The following PALLD variants were observed in gnomAD, a reference collection of about 807,000 sequenced individuals.
The protein encoded by PALLD is palladin.
In PALLD, 61 loss-of-function variants were observed where a neutral mutation model predicts 123.5. That is an observed-to-expected ratio of 0.49 (90% CI 0.40 to 0.61). The LOEUF (loss-of-function observed/expected upper bound fraction) is 0.61. PALLD is among the 20% of genes least tolerant of loss of function. The probability of loss-of-function intolerance (pLI) is 0.00; values close to 1 mark genes in which losing one functional copy is unlikely to be tolerated. For synonymous variants in PALLD, 465 were observed against 496.4 expected, an observed-to-expected ratio of 0.94 and a Z score of 0.84; for missense variants, 1,273 against 1,377.0, an observed-to-expected ratio of 0.92 and a Z score of 1.20.
At chr4:168,747,503 A>G (rs1323467152) in intron 10 of PALLD, among the ~76,000 whole-genome samples, 1 of 152,252 alleles carries the variant, frequency 6.6e-6, no homozygotes, top group Non-Finnish European at 1.5e-5. Flanking sequence ...AACTTCAGAC[A>G]CATGCTATGA....
chr4:168,777,279 A>T (rs1167193876), intron 10 of PALLD, among the ~76,000 whole-genome samples: 1 of 152,152 alleles, frequency 6.6e-6, no homozygotes, highest in Non-Finnish European at 1.5e-5. Context: ...TACGGAGGAG[A>T]AGCAGTAAGC....
At chr4:168,523,720 A>G (rs1007483074) in intron 2 of PALLD, among the ~76,000 whole-genome samples, 12 of 152,128 alleles carry the variant, frequency 7.9e-5, no homozygotes, top group Non-Finnish European at 1.8e-4. Flanking sequence ...GAAAGTTAAC[A>G]CCAGAAGCAC....
chr4:168,688,955 C>T (rs1371768652), intron 6 of PALLD, among the ~76,000 whole-genome samples: 1 of 152,144 alleles, frequency 6.6e-6, no homozygotes, highest in East Asian at 1.9e-4. Flanking sequence ...GTGACACTTA[C>T]CCTGTTTTGA....
At chr4:168,731,752 C>T (rs1488324588) in intron 10 of PALLD, among the ~76,000 whole-genome samples, 1 of 152,056 alleles carries the variant, frequency 6.6e-6, no homozygotes, top group Non-Finnish European at 1.5e-5. Context: ...AATCACTGAC[C>T]AATTAGAAGT....
chr4:168,669,220 A>G (rs2710844), intron 3 of PALLD, among the ~76,000 whole-genome samples: 47,224 of 152,102 alleles, frequency 0.31, 7,644 homozygotes, highest in Non-Finnish European at 0.35. Context: ...GAAGAAGGCA[A>G]GATGTGAGCC....
chr4:168,922,837 C>T (rs1403627785), intron 18 of PALLD, among the ~76,000 whole-genome samples: 7 of 152,142 alleles, frequency 4.6e-5, no homozygotes, highest in South Asian at 2.1e-4. Context: ...TACCTCAGTG[C>T]GCATCAGCTG....
chr4:168,795,336 T>C (rs1738334593), intron 10 of PALLD, among the ~76,000 whole-genome samples: 1 of 152,150 alleles, frequency 6.6e-6, no homozygotes, highest in Non-Finnish European at 1.5e-5. Context: ...AATTTGAAAA[T>C]GAAATCGAAG....
intron 10 of PALLD, among the ~76,000 whole-genome samples, chr4:168,793,160 T>C (rs1293975037): frequency 1.4e-5 from 2 of 139,742 alleles, no homozygotes; most frequent in African/African-American, 5.4e-5. Context: ...TGCATATATA[T>C]ACATATATAT....
chr4:168,726,620 C>T lies in PALLD; in HGVS notation c.1964+14697C>T, dbSNP rs985893003. 1.4e-4 allele frequency among the ~76,000 whole-genome samples: 21 copies of T among 151,954 alleles called. 1 individual carries two copies. The highest frequency in any genetic ancestry group is 3.4e-4 in the African/African-American group (14 of 41,366). ...CTGGTTTCAAACTCCTGGCTTCAAG[C>T]GATCCTCTAGCCTTAGCCTTCCAAA... On this transcript the variant is annotated intron_variant, in intron 10 of 21. Coordinates refer to ENST00000505667, the MANE Select transcript of PALLD (RefSeq NM_001166108.2).
At chr4:168,561,386 C>A (rs1767851525) in intron 2 of PALLD, among the ~76,000 whole-genome samples, 1 of 152,138 alleles carries the variant, frequency 6.6e-6, no homozygotes, top group African/African-American at 2.4e-5. Flanking sequence ...CTCAGCCTCC[C>A]AAGTAGCTGG....
chr4:168,573,393 A>G (rs1769196576), intron 2 of PALLD, among the ~76,000 whole-genome samples: 1 of 151,662 alleles, frequency 6.6e-6, no homozygotes, highest in Non-Finnish European at 1.5e-5. Context: ...CTCTCCTTTC[A>G]CTAGGTCTTT....
intron 2 of PALLD, among the ~76,000 whole-genome samples, chr4:168,627,101 C>G (rs1219833677): frequency 6.6e-6 from 1 of 152,138 alleles, no homozygotes; most frequent in Non-Finnish European, 1.5e-5. Context: ...TGTTTTTTAA[C>G]AACAACTAAC....
chr4:168,524,339 C>T (rs1763847569), intron 2 of PALLD, among the ~76,000 whole-genome samples: 1 of 152,108 alleles, frequency 6.6e-6, no homozygotes, highest in Admixed American at 6.6e-5. Flanking sequence ...TTTGTTTTCT[C>T]CATTTTAAAA....
intron 10 of PALLD, among the ~76,000 whole-genome samples, chr4:168,773,307 A>G (rs1269479774): frequency 6.6e-6 from 1 of 152,112 alleles, no homozygotes; most frequent in African/African-American, 2.4e-5. Flanking sequence ...ATGGAAACAC[A>G]CTCTGAACAG....
intron 10 of PALLD, among the ~76,000 whole-genome samples, chr4:168,859,846 AAG>A (rs1749176455): frequency 1.3e-5 from 2 of 152,216 alleles, no homozygotes; most frequent in Admixed American, 1.3e-4. Context: ...AAAAAGGAAA[AAG>A]AAATTAATTT....
chr4:168,781,968 C>G (rs1210580473), intron 10 of PALLD, among the ~76,000 whole-genome samples: 1 of 152,090 alleles, frequency 6.6e-6, no homozygotes, highest in Admixed American at 6.5e-5. Context: ...ACCCTGGCAC[C>G]CATCAGAGCT....
At position 168,707,417 on chromosome 4, in the gene PALLD, C is replaced by T. The variant is rs114911396; in HGVS notation, c.1502-1611C>T. Among the ~76,000 whole-genome samples, 1,413 of 152,266 alleles carry T rather than the reference C, an allele frequency of 9.3e-3. 17 individuals are homozygous for T. The highest frequency in any genetic ancestry group is 0.032 in the African/African-American group (1,314 of 41,548). On this transcript the variant is annotated intron_variant, in intron 8 of 21. Transcript: ENST00000505667. Reference sequence around the variant, plus strand: ...GGTCAGCTGCCAGGATGACGAGGAACGAGTCAGTTAGTCTAGGATGGTCTC... The same window carrying T: ...GGTCAGCTGCCAGGATGACGAGGAATGAGTCAGTTAGTCTAGGATGGTCTC...
rs111868446 is a variant in PALLD, at chr4:168,524,876, C to T, written c.908+12464C>T. ...GTGGTGTCACATGAGGAAGAGCCAG[C>T]GTCTTTACTCTTAGCAACAACCTTC... On this transcript the variant is annotated intron_variant, in intron 2 of 21. Transcript: ENST00000505667. Among the ~76,000 whole-genome samples the T allele has an allele frequency of 4.7e-3, 713 of 152,242 alleles. 4 individuals carry two copies. Among genetic ancestry groups the T allele is most frequent in the African/African-American group, 0.016 (661 of 41,538 alleles).
At position 168,511,458 on chromosome 4, in the gene PALLD, G is replaced by A; in HGVS notation, c.-47G>A. 1 of 1,431,758 alleles carries A rather than the reference G, an allele frequency of 7.0e-7. No individual in the cohort carries two copies. The highest frequency in any genetic ancestry group is 9.8e-7 in the Non-Finnish European group (1 of 1,015,526). 88.7% of individuals were successfully genotyped at this position (1,431,758 alleles called of 1,614,324 possible). ...CAGAAAACAGTTTCCAGTGCCTCTG[G>A]CCTTCCTACTGAAAGCAGACACAGA... On this transcript the variant is annotated 5_prime_UTR_variant, in exon 2 of 22. Transcript: ENST00000505667.
Sources: allele counts gnomAD v4.1 joint callset (sites outside exome capture counted in the v4.1 genomes callset), GRCh38; gene constraint gnomAD v4.1.1; transcripts MANE v1.5; gene names NCBI Gene and HGNC (gene_info 2026-07-23, HGNC 2026-07-21).